Variants in TPST1 observed in about 807,000 individuals in gnomAD.
TPST1 encodes protein-tyrosine sulfotransferase 1.
In TPST1, 20 loss-of-function variants were observed where a neutral mutation model predicts 34.8. The ratio of observed to expected loss-of-function variants is 0.57; its 90% confidence interval spans 0.40 to 0.84. The LOEUF is 0.84. TPST1 is among the 40% of genes least tolerant of loss of function. TPST1 has a pLI of 0.00. For missense variants in TPST1, 353 were observed against 455.5 expected, an observed-to-expected ratio of 0.78 and a Z score of 2.05; for synonymous variants, 152 against 159.4, an observed-to-expected ratio of 0.95 and a Z score of 0.35.
chr7:66,228,269 TA>T (rs1469974217), intron 1 of TPST1, among the ~76,000 whole-genome samples: 1 of 152,240 alleles, frequency 6.6e-6, no homozygotes, highest in Non-Finnish European at 1.5e-5. Context: ...CTTTCAAAGG[TA>T]GTTACCTTGT....
intron 3 of TPST1, among the ~76,000 whole-genome samples, chr7:66,308,232 T>TCTCAA (rs1791461982): frequency 6.6e-6 from 1 of 151,898 alleles, no homozygotes; most frequent in African/African-American, 2.4e-5. Context: ...AAAGGGAGAG[T>TCTCAA]AATGATCTCC....
At position 66,328,011 on chromosome 7, in the gene TPST1, C is replaced by CTTTTT. The variant is rs35582736; in HGVS notation, c.1045-24470_1045-24466dup. Among the ~76,000 whole-genome samples the CTTTTT allele has an allele frequency of 1.2e-3, 49 of 39,520 alleles. 2 individuals carry two copies. Among genetic ancestry groups the CTTTTT allele is most frequent in the East Asian group, 2.4e-3 (3 of 1,250 alleles). The allele number at this position is 39,520 out of a possible 152,430, so 25.9% of individuals were successfully genotyped here. A position where few individuals can be genotyped will look rare whatever the true frequency, so the allele number is the denominator to read the frequency against. On this transcript the variant is annotated intron_variant, in intron 3 of 5. Coordinates refer to ENST00000304842, the MANE Select transcript of TPST1 (RefSeq NM_003596.4). ...TTTTCTTTCTTTTTTTTTTCCTTTC[C>CTTTTT]TTTTTTTTTTTTTTTTTTTTTTTTT...
At chr7:66,319,868 T>C (rs1407471944) in intron 3 of TPST1, among the ~76,000 whole-genome samples, 1 of 152,160 alleles carries the variant, frequency 6.6e-6, no homozygotes, top group Non-Finnish European at 1.5e-5. Context: ...AACCCAGAAA[T>C]ATTTATTTTT....
chr7:66,296,832 A>G (rs1393018872), intron 3 of TPST1, among the ~76,000 whole-genome samples: 1 of 152,064 alleles, frequency 6.6e-6, no homozygotes, highest in Non-Finnish European at 1.5e-5. Context: ...ACGTTAACAT[A>G]TTTTATACCC....
chr7:66,286,421 T>C, intron 2 of TPST1, 90 bp from the exon 3 acceptor site: 1 of 1,001,362 alleles, frequency 1.0e-6, no homozygotes, highest in Non-Finnish European at 1.3e-6. Context: ...AGACAACTGT[T>C]AGTCATTAAA....
intron 5 of TPST1, among the ~76,000 whole-genome samples, chr7:66,357,517 T>C (rs1182929182): frequency 6.6e-6 from 1 of 152,240 alleles, no homozygotes; most frequent in Non-Finnish European, 1.5e-5. Context: ...CTCATTGGAC[T>C]AAGTGCTACA....
At chr7:66,265,549 C>CAA (rs61289876) in intron 2 of TPST1, among the ~76,000 whole-genome samples, 5 of 129,230 alleles carry the variant, frequency 3.9e-5, no homozygotes, top group African/African-American at 1.5e-4. Context: ...AACCCTGTCT[C>CAA]AAAAAAAAAA....
intron 2 of TPST1, among the ~76,000 whole-genome samples, chr7:66,282,646 CAT>C (rs1293016203): frequency 1.3e-5 from 2 of 152,114 alleles, no homozygotes; most frequent in African/African-American, 4.8e-5. Flanking sequence ...CTTAGAAAAA[CAT>C]AAGCTAAATA....
intron 1 of TPST1, among the ~76,000 whole-genome samples, chr7:66,221,270 G>A (rs1004400884): frequency 2.6e-4 from 40 of 152,110 alleles, no homozygotes; most frequent in African/African-American, 7.5e-4. Flanking sequence ...TTTTTTTTCC[G>A]TAATTATCAG....
In TPST1 at chr7:66,332,270, C is replaced by CTT. The variant is rs754222451; in HGVS notation, c.1045-20222_1045-20221dup. On this transcript the variant is annotated intron_variant, in intron 3 of 5. Transcript: ENST00000304842. This position sits in a 1 kb window ranked among gnomAD's most constrained non-coding sequence, Gnocchi z 4.5. ...GTTGCACTGAGACTTTTGTTTACAT[C>CTT]TTTTTTTTTTTTTTGAGATGAGAGT... 4.9e-5 allele frequency among the ~76,000 whole-genome samples: 7 copies of CTT among 142,832 alleles called. No homozygotes were observed. The highest frequency in any genetic ancestry group is 7.7e-5 in the Non-Finnish European group (5 of 64,778). The allele number at this position is 142,832 out of a possible 152,430, so 93.7% of individuals were successfully genotyped here. A position where few individuals can be genotyped will look rare whatever the true frequency, so the allele number is the denominator to read the frequency against.
At chr7:66,295,998 A>G (rs1791184098) in intron 3 of TPST1, among the ~76,000 whole-genome samples, 1 of 152,160 alleles carries the variant, frequency 6.6e-6, no homozygotes, top group Admixed American at 6.5e-5. Context: ...TCTCCTTTGC[A>G]CAATAGTGAA....
At chr7:66,352,684 A>C in intron 4 of TPST1, 129 bp downstream of exon 4, 1 of 1,513,448 alleles carries the variant, frequency 6.6e-7, no homozygotes, top group East Asian at 2.5e-5. Context: ...GAAAAGGGAT[A>C]GTGATATGTG....
intron 1 of TPST1, among the ~76,000 whole-genome samples, chr7:66,234,739 G>A (rs545030540): frequency 2.3e-4 from 35 of 152,196 alleles, no homozygotes; most frequent in African/African-American, 7.7e-4. Flanking sequence ...TGCGGTGGCA[G>A]GATCTCAGCT....
intron 2 of TPST1, among the ~76,000 whole-genome samples, chr7:66,253,489 A>G (rs907145086): frequency 5.3e-5 from 8 of 151,178 alleles, no homozygotes; most frequent in East Asian, 2.0e-4. Context: ...TCATGCCTCA[A>G]TTCTCCCGAG....
intron 3 of TPST1, among the ~76,000 whole-genome samples, chr7:66,320,980 A>G (rs1439061690): frequency 6.6e-6 from 1 of 152,246 alleles, no homozygotes; most frequent in African/African-American, 2.4e-5. Flanking sequence ...GTTGATACAC[A>G]GTATCTTTGT....
rs1238488967 is a variant in TPST1, at chr7:66,253,992, G to A, written c.845+12722G>A. ...CACTCCAGCCTGGTTGACAGAGTGA[G>A]ACTCTGTTTCAAAAAAAAAAAAAAA... On this transcript the variant is annotated intron_variant, in intron 2 of 5. Transcript: ENST00000304842. Among the ~76,000 whole-genome samples the A allele has an allele frequency of 6.5e-5, 8 of 122,244 alleles. No individual in the cohort carries two copies. In the East Asian group the frequency reaches 1.8e-3, roughly 27 times the overall value. 80.2% of individuals were successfully genotyped at this position (122,244 alleles called of 152,430 possible). A position where few individuals can be genotyped will look rare whatever the true frequency, so the allele number is the denominator to read the frequency against.
At chr7:66,206,940 C>T (rs949710978) in intron 1 of TPST1, among the ~76,000 whole-genome samples, 1 of 152,178 alleles carries the variant, frequency 6.6e-6, no homozygotes, top group Non-Finnish European at 1.5e-5. Flanking sequence ...CTCCCTCCCC[C>T]TCTCCAAACA....
rs941836397 is a variant in TPST1, at chr7:66,208,747, G to A, written c.-102+3225G>A. 6.6e-5 allele frequency among the ~76,000 whole-genome samples: 10 copies of A among 152,100 alleles called. No individual in the cohort carries two copies. In the East Asian group the frequency reaches 9.7e-4, roughly 15 times the overall value. ...GCCTCCCAAAGTGCTGGGATTACAG[G>A]CGTGAGCCACTGTGCCCAGCCCATT... On this transcript the variant is annotated intron_variant, in intron 1 of 5. Transcript: ENST00000304842.
At chr7:66,276,811 C>CT (rs138969195) in intron 2 of TPST1, among the ~76,000 whole-genome samples, 2,213 of 151,996 alleles carry the variant, frequency 0.015, 61 homozygotes, top group East Asian at 0.092. Flanking sequence ...GTGGGCATGT[C>CT]TTTTTTTCTC....
Sources: allele counts gnomAD v4.1 joint callset (sites outside exome capture counted in the v4.1 genomes callset), GRCh38; gene constraint gnomAD v4.1.1; non-coding constraint Gnocchi (gnomAD v3.1); transcripts MANE v1.5; gene names NCBI Gene and HGNC (gene_info 2026-07-23, HGNC 2026-07-21).